The following AGAP1 variants were observed in gnomAD, a reference collection of about 807,000 sequenced individuals.
The protein encoded by AGAP1 is ArfGAP with GTPase domain, ankyrin repeat and PH domain 1, also known as arf-GAP with GTPase, ANK repeat and PH domain-containing protein 1.
In AGAP1, 29 loss-of-function variants were observed where a neutral mutation model predicts 105.3. The observed-to-expected ratio is 0.28, with a 90% CI of 0.21 to 0.38. AGAP1 has a LOEUF of 0.38. AGAP1 is among the 10% of genes least tolerant of loss of function. The pLI is 1.00. For missense variants in AGAP1, 998 were observed against 1,165.1 expected (o/e 0.86, Z 2.09); for synonymous variants, 509 against 485.9 (o/e 1.05, Z -0.63).
chr2:235,928,972 T>G (rs538583691), intron 11 of AGAP1, among the ~76,000 whole-genome samples: 2 of 152,214 alleles, frequency 1.3e-5, no homozygotes, highest in Non-Finnish European at 2.9e-5. Flanking sequence ...ATTCAAGATG[T>G]GGGCTCCAAA....
In AGAP1 at chr2:235,734,278, C is replaced by T. The variant is rs373656905; in HGVS notation, c.311-6685C>T. 1.5e-4 allele frequency among the ~76,000 whole-genome samples: 23 copies of T among 152,168 alleles called. 1 individual carries two copies. In the East Asian group the frequency reaches 3.5e-3, roughly 23 times the overall value. On this transcript the variant is annotated intron_variant, in intron 3 of 17. Transcript: ENST00000304032. The surrounding 1 kb of genome is among the most constrained non-coding windows in gnomAD (Gnocchi z 5.3). ...TGGAAGAGAATCCCAAACGTGTGGC[C>T]GAAAGGGACCCAGGACCTGCCAGCC...
In AGAP1 at chr2:235,983,752, GGA is replaced by G. The variant is rs1196731656; in HGVS notation, c.1645+15131_1645+15132del. On this transcript the variant is annotated intron_variant, in intron 13 of 17. Transcript: ENST00000304032. The surrounding 1 kb of genome is among the most constrained non-coding windows in gnomAD (Gnocchi z 4.5). ...ACATACTGTATGGGTTTATGCCCTG[GGA>G]GCAATAGGCTCTGCACATAGCCTGA... 6.6e-6 allele frequency among the ~76,000 whole-genome samples: 1 copy of G among 152,154 alleles called. No homozygotes were observed. Among genetic ancestry groups the G allele is most frequent in the Non-Finnish European group, 1.5e-5 (1 of 68,048 alleles).
chr2:235,626,971 T>G (rs556960946), intron 1 of AGAP1, among the ~76,000 whole-genome samples: 1 of 151,580 alleles, frequency 6.6e-6, no homozygotes, highest in African/African-American at 2.4e-5. Flanking sequence ...TGATAGTGGG[T>G]CATTCCAGCG....
In AGAP1 at chr2:235,664,174, C is replaced by T. The variant is rs1948052419; in HGVS notation, c.164-45005C>T. Among the ~76,000 whole-genome samples the T allele has an allele frequency of 6.6e-6, 1 of 151,878 alleles. No homozygotes were observed. Among genetic ancestry groups the T allele is most frequent in the African/African-American group, 2.4e-5 (1 of 41,342 alleles). On this transcript the variant is annotated intron_variant, in intron 1 of 17. Coordinates refer to ENST00000304032, the MANE Select transcript of AGAP1 (RefSeq NM_001037131.3). This position sits in a 1 kb window ranked among gnomAD's most constrained non-coding sequence, Gnocchi z 5.7. ...TGTTGTTTGTGTTGGCTCTGTAAAA[C>T]GATGCTTAATAGATTGGATTTTAAT...
In AGAP1 at chr2:235,872,966, G is replaced by A. The variant is rs954208369; in HGVS notation, c.1051-10379G>A. 4.6e-5 allele frequency among the ~76,000 whole-genome samples: 7 copies of A among 152,182 alleles called. No individual in the cohort carries two copies. The highest frequency in any genetic ancestry group is 2.9e-5 in the Non-Finnish European group (2 of 68,022). Reference sequence around the variant, plus strand: ...TCCACGGTCCCTGAAAGTCCCCACTGGCTCAGTGCAGCTCTGGAATTAGGA... The same window carrying A: ...TCCACGGTCCCTGAAAGTCCCCACTAGCTCAGTGCAGCTCTGGAATTAGGA... On this transcript the variant is annotated intron_variant, in intron 9 of 17. Coordinates refer to ENST00000304032, the MANE Select transcript of AGAP1 (RefSeq NM_001037131.3). The surrounding 1 kb of genome is among the most constrained non-coding windows in gnomAD (Gnocchi z 4.5).
At chr2:235,653,509 C>A (rs1299042260) in intron 1 of AGAP1, among the ~76,000 whole-genome samples, 1 of 146,770 alleles carries the variant, frequency 6.8e-6, no homozygotes, top group African/African-American at 2.6e-5. Flanking sequence ...TATAACATAA[C>A]ATAACATAAC....
rs770367320 is a variant in AGAP1 at position 235,723,534 on chromosome 2, G to A, written c.310+5890G>A. Among the ~76,000 whole-genome samples, 2 of 152,150 alleles carry A rather than the reference G, an allele frequency of 1.3e-5. No homozygotes were observed. Among genetic ancestry groups the A allele is most frequent in the South Asian group, 4.1e-4 (2 of 4,832 alleles). ...GAACTGAGTCATTGCTCTGAGACCC[G>A]TTCCCCAGGACAACTCTCTCTGTGT... On this transcript the variant is annotated intron_variant, in intron 3 of 17. Coordinates refer to ENST00000304032, the MANE Select transcript of AGAP1 (RefSeq NM_001037131.3). This position sits in a 1 kb window ranked among gnomAD's most constrained non-coding sequence, Gnocchi z 6.2.
Position 235,569,030 on chromosome 2 carries a change from A to T in AGAP1, c.163+74181A>T, listed in dbSNP as rs115685985. The stretch of plus-strand genomic sequence containing the variant: ...GCAAAGTTCCTTTTGCCATATAAGG[A>T]TATGGCAGCGTATTCATAGGTTCTG... On this transcript the variant is annotated intron_variant, in intron 1 of 17. Transcript: ENST00000304032. The surrounding 1 kb of genome is among the most constrained non-coding windows in gnomAD (Gnocchi z 5.9). 0.023 allele frequency among the ~76,000 whole-genome samples: 3,455 copies of T among 152,294 alleles called. 108 individuals are homozygous for T. The highest frequency in any genetic ancestry group is 0.07 in the Admixed American group (1,076 of 15,296).
At chr2:235,643,894 T>C (rs1947285441) in intron 1 of AGAP1, among the ~76,000 whole-genome samples, 1 of 152,154 alleles carries the variant, frequency 6.6e-6, no homozygotes, top group African/African-American at 2.4e-5. Flanking sequence ...CATTTGGTTC[T>C]TCTGTGTCCT....
rs907180549 is a variant in AGAP1, at chr2:236,076,213, G to A, written c.2114+26932G>A. On this transcript the variant is annotated intron_variant, in intron 16 of 17. Coordinates refer to ENST00000304032, the MANE Select transcript of AGAP1 (RefSeq NM_001037131.3). The surrounding 1 kb of genome is among the most constrained non-coding windows in gnomAD (Gnocchi z 4.4). ...GCCTGTAATCCCAGCACTTTGAGAG[G>A]CCAAAGTGGGTGGATCACTTGAGGT... 6.6e-6 allele frequency among the ~76,000 whole-genome samples: 1 copy of A among 152,218 alleles called. No individual in the cohort carries two copies. Among genetic ancestry groups the A allele is most frequent in the Non-Finnish European group, 1.5e-5 (1 of 68,040 alleles).
In AGAP1 at chr2:235,747,938, G is replaced by C. The variant is rs1046007114; in HGVS notation, c.539-2416G>C. On this transcript the variant is annotated intron_variant, in intron 5 of 17. Transcript: ENST00000304032. The surrounding 1 kb of genome is among the most constrained non-coding windows in gnomAD (Gnocchi z 5.0). The stretch of plus-strand genomic sequence containing the variant: ...CTGGGCTGGGGTGAGGCCTCCGCCC[G>C]CTGGCGGGAGGGGCAGCTCTGCCAG... Among the ~76,000 whole-genome samples the C allele has an allele frequency of 6.6e-6, 1 of 152,230 alleles. No homozygotes were observed. Among genetic ancestry groups the C allele is most frequent in the Non-Finnish European group, 1.5e-5 (1 of 68,042 alleles).
rs992988278 is a variant in AGAP1 at position 236,035,383 on chromosome 2, C to T, written c.1646-1178C>T. On this transcript the variant is annotated intron_variant, in intron 13 of 17. Coordinates refer to ENST00000304032, the MANE Select transcript of AGAP1 (RefSeq NM_001037131.3). The surrounding 1 kb of genome is among the most constrained non-coding windows in gnomAD (Gnocchi z 4.2). ...GGTGCAGTGGCTCACACTTGTCACT[C>T]AGCACTTTGGGAGGCCAAGGAGTGA... Among the ~76,000 whole-genome samples, 1 of 152,160 alleles carries T rather than the reference C, an allele frequency of 6.6e-6. No individual in the cohort carries two copies. Among genetic ancestry groups the T allele is most frequent in the Non-Finnish European group, 1.5e-5 (1 of 68,024 alleles).
intron 1 of AGAP1, among the ~76,000 whole-genome samples, chr2:235,694,434 G>T (rs945454236): frequency 6.7e-6 from 1 of 148,150 alleles, no homozygotes; most frequent in African/African-American, 2.5e-5. Flanking sequence ...AGCCGAGATC[G>T]CACCACTGCA....
chr2:236,027,252 A>T lies in AGAP1; in HGVS notation c.1646-9309A>T, dbSNP rs982479935. Among the ~76,000 whole-genome samples, 5 of 152,134 alleles carry T rather than the reference A, an allele frequency of 3.3e-5. No homozygotes were observed. The highest frequency in any genetic ancestry group is 7.3e-5 in the Non-Finnish European group (5 of 68,028). On this transcript the variant is annotated intron_variant, in intron 13 of 17. Coordinates refer to ENST00000304032, the MANE Select transcript of AGAP1 (RefSeq NM_001037131.3). The surrounding 1 kb of genome is among the most constrained non-coding windows in gnomAD (Gnocchi z 4.4). Reference sequence around the variant, plus strand: ...TTCACCTATTACCCTCCCTCAAAATAAAAAATGAAGCCACCTAAAGACAGG... The same window carrying T: ...TTCACCTATTACCCTCCCTCAAAATTAAAAATGAAGCCACCTAAAGACAGG...
rs907322437 is a variant in AGAP1, at chr2:235,555,114, C to T, written c.163+60265C>T. On this transcript the variant is annotated intron_variant, in intron 1 of 17. Coordinates refer to ENST00000304032, the MANE Select transcript of AGAP1 (RefSeq NM_001037131.3). This position sits in a 1 kb window ranked among gnomAD's most constrained non-coding sequence, Gnocchi z 5.1. ...GGAGAGCGCGGCCGCCAGGGTCAGC[C>T]TGGATGCTCCTAGGCAGAGGCACAG... is the stretch of plus-strand genomic sequence containing the variant. Among the ~76,000 whole-genome samples, 2 of 152,162 alleles carry T rather than the reference C, an allele frequency of 1.3e-5. No individual in the cohort carries two copies. The highest frequency in any genetic ancestry group is 4.8e-5 in the African/African-American group (2 of 41,440).
chr2:235,616,180 G>A (rs1322440302), intron 1 of AGAP1, among the ~76,000 whole-genome samples: 2 of 152,192 alleles, frequency 1.3e-5, no homozygotes, highest in Admixed American at 1.3e-4. Flanking sequence ...GGCCAACATG[G>A]TGAAACCCTA....
chr2:235,727,465 C>A (rs1226755847), intron 3 of AGAP1, among the ~76,000 whole-genome samples: 1 of 152,152 alleles, frequency 6.6e-6, no homozygotes, highest in Non-Finnish European at 1.5e-5. Context: ...TGAATTCACC[C>A]CAAAGCTACC....
At chr2:236,033,285 C>G (rs1183977508) in intron 13 of AGAP1, among the ~76,000 whole-genome samples, 1 of 152,150 alleles carries the variant, frequency 6.6e-6, no homozygotes, top group Non-Finnish European at 1.5e-5. Flanking sequence ...AGCCATAGAA[C>G]AGCCACTGTA....
chr2:236,113,685 C>G lies in AGAP1; in HGVS notation c.2115-6507C>G, dbSNP rs1291570191. ...AGCCACCTTGGCCAAGTCACCACCC[C>G]TCAAGGTCAGGTGCGGCAAAGCCCG... On this transcript the variant is annotated intron_variant, in intron 16 of 17. Coordinates refer to ENST00000304032, the MANE Select transcript of AGAP1 (RefSeq NM_001037131.3). This position sits in a 1 kb window ranked among gnomAD's most constrained non-coding sequence, Gnocchi z 4.3. Among the ~76,000 whole-genome samples the G allele has an allele frequency of 1.3e-5, 2 of 152,154 alleles. No homozygotes were observed. Among genetic ancestry groups the G allele is most frequent in the African/African-American group, 4.8e-5 (2 of 41,434 alleles).
Sources: allele counts gnomAD v4.1 joint callset (sites outside exome capture counted in the v4.1 genomes callset), GRCh38; gene constraint gnomAD v4.1.1; non-coding constraint Gnocchi (gnomAD v3.1); transcripts MANE v1.5; gene names NCBI Gene and HGNC (gene_info 2026-07-23, HGNC 2026-07-21).